Variants in AADACL4 observed in about 807,000 individuals in gnomAD.
AADACL4 encodes the protein arylacetamide deacetylase like 4.
Under a neutral mutation model 14.1 loss-of-function variants are expected in AADACL4, and 9 were observed. The ratio of observed to expected loss-of-function variants is 0.64; its 90% confidence interval spans 0.39 to 1.12. AADACL4 has a LOEUF of 1.12. Ranked by LOEUF, AADACL4 falls within the 50% of genes most tolerant of loss-of-function variation. The pLI, the probability that AADACL4 is intolerant of heterozygous loss-of-function variation, is 0.01. For synonymous variants in AADACL4, 188 were observed against 201.6 expected, an observed-to-expected ratio of 0.93 and a Z score of 0.57; for missense variants, 531 against 516.1, an observed-to-expected ratio of 1.03 and a Z score of -0.28.
At chr1:12,646,986 G>A (rs754466082) in intron 1 of AADACL4, among the ~76,000 whole-genome samples, 1 of 152,058 alleles carries the variant, frequency 6.6e-6, no homozygotes, top group Non-Finnish European at 1.5e-5. Flanking sequence ...GAAATCAAGA[G>A]CTTTGTTTCG....
chr1:12,666,099 T>C lies in AADACL4; in HGVS notation c.588T>C (p.Gly196=). 1 of 1,614,184 alleles carries C rather than the reference T, an allele frequency of 6.2e-7. No homozygotes were observed. Among genetic ancestry groups the C allele is most frequent in the Non-Finnish European group, 8.5e-7 (1 of 1,180,036 alleles). ...RVVVCGESVG[G]AAVAAITQAL... is the part of the protein sequence containing the mutation. ...TGGTCTGTGGAGAAAGCGTCGGAGG[T>C]GCAGCGGTGGCCGCCATCACCCAGG... The change falls in exon 4 of 4, where the codon GGT becomes GGC. Residue 196 remains glycine (G), a synonymous_variant. Coordinates refer to ENST00000376221, the MANE Select transcript of AADACL4 (RefSeq NM_001013630.2).
rs1647333537 is a variant in AADACL4 at position 12,666,440 on chromosome 1, C to T, written c.929C>T (p.Ala310Val). ...QPWSPGPFNE[A>V]AYLEAKHMLD... ...TGGTCTCCCGGCCCTTTTAATGAAGCTGCCTATCTAGAAGCCAAACATATG... is the reference window on the plus strand; with the variant it reads ...TGGTCTCCCGGCCCTTTTAATGAAGTTGCCTATCTAGAAGCCAAACATATG... Residue 310 changes from alanine to valine, a missense_variant, in exon 4 of 4, where the codon GCT (alanine) becomes GTT (valine). By Grantham distance (64) the Ala-to-Val change is moderately conservative. Coordinates refer to ENST00000376221, the MANE Select transcript of AADACL4 (RefSeq NM_001013630.2). 6.2e-7 allele frequency: 1 copy of T among 1,614,208 alleles called. No individual in the cohort carries two copies. The highest frequency in any genetic ancestry group is 8.5e-7 in the Non-Finnish European group (1 of 1,180,040).
intron 2 of AADACL4, among the ~76,000 whole-genome samples, chr1:12,660,058 T>TC (rs1487212592): frequency 1.3e-5 from 2 of 152,194 alleles, no homozygotes; most frequent in East Asian, 3.9e-4. Context: ...GGTCAAGTGA[T>TC]CCCCCCACCT....
intron 1 of AADACL4, among the ~76,000 whole-genome samples, chr1:12,650,074 G>C (rs1243038203): frequency 6.6e-6 from 1 of 152,188 alleles, no homozygotes; most frequent in Non-Finnish European, 1.5e-5. Context: ...ACTTGGGCCA[G>C]TACTGACACA....
intron 3 of AADACL4, 98 bp downstream of exon 3, chr1:12,661,952 G>C (rs1279230468): frequency 7.4e-7 from 1 of 1,352,408 alleles, no homozygotes; most frequent in African/African-American, 1.4e-5. Context: ...TAACTCCCAA[G>C]AGGCAACTCT....
chr1:12,663,172 C>A (rs181651011), intron 3 of AADACL4, among the ~76,000 whole-genome samples: 3 of 152,154 alleles, frequency 2.0e-5, no homozygotes, highest in Admixed American at 6.5e-5. Context: ...ACTCCCTACC[C>A]GAACTCTTGG....
chr1:12,651,266 G>A lies in AADACL4; in HGVS notation c.312G>A (p.Pro104=), dbSNP rs776635004. The change falls in exon 2 of 4, where the codon CCG becomes CCA. Residue 104 remains proline, a synonymous_variant. Coordinates refer to ENST00000376221, the MANE Select transcript of AADACL4 (RefSeq NM_001013630.2). ...CGATACCCGTGAGGCTGTTCCAGCC[G>A]AAGGCAGCATCCTCCAGACCCCGGC... The part of the protein sequence containing the change: ...FGTIPVRLFQ[P]KAASSRPRRG... The A allele has an allele frequency of 6.8e-6, 11 of 1,614,208 alleles. No homozygotes were observed. Among genetic ancestry groups the A allele is most frequent in the Non-Finnish European group, 9.3e-6 (11 of 1,180,048 alleles).
chr1:12,666,506 T>C lies in AADACL4; in HGVS notation c.995T>C (p.Val332Ala). Reference sequence around the variant, plus strand: ...TCACCCCTGATAGCAGATGATGAGGTCATCGCTCAGCTTCCTGAGGCCTTC... The same window carrying C: ...TCACCCCTGATAGCAGATGATGAGGCCATCGCTCAGCTTCCTGAGGCCTTC... ...ENSPLIADDE[V>A]IAQLPEAFLV... Residue 332 changes from valine (V) to alanine (A), a missense_variant, in exon 4 of 4, where the codon GTC becomes GCC. Physicochemically the swap from Val to Ala is moderately conservative, Grantham distance 64. Transcript: ENST00000376221. The C allele has an allele frequency of 6.2e-7, 1 of 1,614,038 alleles. No individual in the cohort carries two copies. The highest frequency in any genetic ancestry group is 8.5e-7 in the Non-Finnish European group (1 of 1,180,002).
At chr1:12,661,108 T>C (rs563541146) in intron 2 of AADACL4, among the ~76,000 whole-genome samples, 298 of 152,328 alleles carry the variant, frequency 2.0e-3, no homozygotes, top group African/African-American at 6.7e-3. Flanking sequence ...TAATGAGGCA[T>C]GCACCCACTT....
rs1305870570 is a variant in AADACL4 at position 12,665,988 on chromosome 1, C to A, written c.477C>A (p.Ser159=). 2 of 1,612,072 alleles carry A rather than the reference C, an allele frequency of 1.2e-6. No individual in the cohort carries two copies. Among genetic ancestry groups the A allele is most frequent in the Non-Finnish European group, 1.7e-6 (2 of 1,178,438 alleles). ...IGYRKLPDHH[S]PALFQDCMNA... ...ACCGCAAGCTTCCTGACCACCATTC[C>A]CCTGCCCTTTTCCAAGACTGCATGA... The change falls in exon 4 of 4, where the codon TCC becomes TCA. Residue 159 remains serine (S), a synonymous_variant. Transcript: ENST00000376221.
intron 3 of AADACL4, among the ~76,000 whole-genome samples, chr1:12,665,644 C>CT (rs974683147): frequency 1.3e-5 from 2 of 152,246 alleles, no homozygotes; most frequent in African/African-American, 2.4e-5. Flanking sequence ...TTTCATTTGC[C>CT]TTTTTTTCAG....
chr1:12,662,157 C>G (rs1647239358), intron 3 of AADACL4, among the ~76,000 whole-genome samples: 1 of 152,096 alleles, frequency 6.6e-6, no homozygotes, highest in Admixed American at 6.5e-5. Context: ...TACCATGTTG[C>G]AAATGAATCT....
At chr1:12,653,517 T>C (rs551406027) in intron 2 of AADACL4, among the ~76,000 whole-genome samples, 151 of 152,342 alleles carry the variant, frequency 9.9e-4, no homozygotes, top group African/African-American at 3.5e-3. Context: ...GCAGTTCAGC[T>C]AATCCTGAAT....
Position 12,666,726 on chromosome 1 carries a change from G to A in AADACL4, c.1215G>A (p.Lys405=), listed in dbSNP as rs539045497. The A allele has an allele frequency of 4.0e-4, 646 of 1,606,652 alleles. 10 individuals carry two copies. In the South Asian group the frequency reaches 6.4e-3, roughly 16 times the overall value. ...TGAATGCTGTAGTCAGTTATATAAA[G>A]GGCATATGATAGTAACCCTGGGGCC... The part of the protein sequence containing the change: ...KIVNAVVSYI[K]GI Residue 405 remains lysine, a synonymous_variant, in exon 4 of 4, where the codon AAG becomes AAA. Transcript: ENST00000376221.
chr1:12,660,875 C>A (rs908699522), intron 2 of AADACL4, among the ~76,000 whole-genome samples: 1 of 152,290 alleles, frequency 6.6e-6, no homozygotes, highest in East Asian at 1.9e-4. Flanking sequence ...AACTCCTGAC[C>A]TCGTGATCCA....
At chr1:12,656,322 C>T (rs1647178878) in intron 2 of AADACL4, among the ~76,000 whole-genome samples, 1 of 152,200 alleles carries the variant, frequency 6.6e-6, no homozygotes, top group African/African-American at 2.4e-5. Context: ...TCCCTGGAGC[C>T]CTACTGTCCT....
intron 3 of AADACL4, among the ~76,000 whole-genome samples, chr1:12,664,220 C>A (rs1461582574): frequency 6.6e-6 from 1 of 152,056 alleles, no homozygotes; most frequent in African/African-American, 2.4e-5. Context: ...TAATTTTTTT[C>A]TTCGAAATGA....
chr1:12,647,832 A>AT (rs1346356510), intron 1 of AADACL4, among the ~76,000 whole-genome samples: 7 of 151,758 alleles, frequency 4.6e-5, no homozygotes, highest in Admixed American at 3.9e-4. Flanking sequence ...ACTTTTTTGT[A>AT]TTTTTTGTAG....
intron 3 of AADACL4, 95 bp downstream of exon 3, chr1:12,661,949 C>A: frequency 7.4e-7 from 1 of 1,350,152 alleles, no homozygotes; most frequent in South Asian, 1.2e-5. Flanking sequence ...CCCTAACTCC[C>A]AAGAGGCAAC....
Sources: allele counts gnomAD v4.1 joint callset (sites outside exome capture counted in the v4.1 genomes callset), GRCh38; gene constraint gnomAD v4.1.1; transcripts MANE v1.5; gene names NCBI Gene and HGNC (gene_info 2026-07-23, HGNC 2026-07-21).